RRM2B: variants seen among roughly 807,000 people sequenced by gnomAD.
RRM2B encodes ribonucleoside-diphosphate reductase subunit M2 B.
RRM2B carries 20 observed loss-of-function variants against 45.9 expected under a neutral mutation model. The ratio of observed to expected loss-of-function variants is 0.44; its 90% CI spans 0.31 to 0.63. RRM2B has a LOEUF of 0.63. Ranked by LOEUF, RRM2B falls within the 30% of genes least tolerant of loss-of-function variation. The pLI is 0.09. For missense variants in RRM2B, 320 were observed against 414.7 expected (o/e 0.77, Z 1.98); for synonymous variants, 124 against 132.3 (o/e 0.94, Z 0.43).
chr8:102,225,851 T>C (rs895749013), intron 3 of RRM2B, 67 bp downstream of exon 3: 1 of 878,030 alleles, frequency 1.1e-6, no homozygotes, highest in Non-Finnish European at 2.0e-6. Context: ...AATTTAATAA[T>C]CTTACTGACA....
At chr8:102,214,533 T>C in intron 6 of RRM2B, 1 of 261,434 alleles carries the variant, frequency 3.8e-6, no homozygotes, top group Non-Finnish European at 7.6e-6. Context: ...ATAATTAGTA[T>C]TTAAATAACA....
chr8:102,231,476 C>T (rs1038807404), intron 2 of RRM2B, among the ~76,000 whole-genome samples: 1 of 152,238 alleles, frequency 6.6e-6, no homozygotes, highest in African/African-American at 2.4e-5. Context: ...AGCTTTCACT[C>T]ATTTTTTGAC....
chr8:102,219,206 T>C (rs1428292220), intron 5 of RRM2B, among the ~76,000 whole-genome samples: 1 of 152,236 alleles, frequency 6.6e-6, no homozygotes, highest in Non-Finnish European at 1.5e-5. Context: ...GGACCTTCCA[T>C]ACTCAAAACA....
chr8:102,212,610 A>C (rs574914739), intron 8 of RRM2B, among the ~76,000 whole-genome samples, 166 bp downstream of exon 8: 1 of 152,330 alleles, frequency 6.6e-6, no homozygotes, highest in African/African-American at 2.4e-5. Flanking sequence ...ATTAATTTTA[A>C]ATTTCAAAGG....
chr8:102,218,964 C>A lies in RRM2B; in HGVS notation c.551-17G>T. On this transcript the variant is annotated splice_polypyrimidine_tract_variant and intron_variant, in intron 5 of 8. Transcript: ENST00000251810. Reference sequence around the variant, plus strand: ...CTCTTTCCCCTGGGAGACATAAAATCGTTTCAATTTTTGAAATATACTGCA... The same window carrying A: ...CTCTTTCCCCTGGGAGACATAAAATAGTTTCAATTTTTGAAATATACTGCA... 6.2e-7 allele frequency: 1 copy of A among 1,611,748 alleles called. No individual in the cohort carries two copies. The highest frequency in any genetic ancestry group is 8.5e-7 in the Non-Finnish European group (1 of 1,178,580).
chr8:102,224,700 A>C (rs1358808804), intron 4 of RRM2B, among the ~76,000 whole-genome samples, 185 bp downstream of exon 4: 1 of 152,218 alleles, frequency 6.6e-6, no homozygotes, highest in Non-Finnish European at 1.5e-5. Context: ...AAAATATCTA[A>C]AGGTTAACTG....
chr8:102,233,323 C>A (rs542819538), intron 1 of RRM2B, among the ~76,000 whole-genome samples: 21 of 152,308 alleles, frequency 1.4e-4, no homozygotes, highest in African/African-American at 4.8e-4. Context: ...GGGGGGCTTG[C>A]GTGCTTTATA....
At chr8:102,227,172 C>T (rs1810946401) in intron 2 of RRM2B, among the ~76,000 whole-genome samples, 2 of 151,538 alleles carry the variant, frequency 1.3e-5, no homozygotes, top group African/African-American at 4.9e-5. Context: ...TTTTTTAAAG[C>T]AGTTTATACA....
intron 6 of RRM2B, among the ~76,000 whole-genome samples, chr8:102,217,690 C>G (rs1369803607): frequency 6.6e-6 from 1 of 152,012 alleles, no homozygotes; most frequent in Non-Finnish European, 1.5e-5. Context: ...AGAAGAAGTA[C>G]AATACATGCT....
rs563527643 is a variant in RRM2B at position 102,232,849 on chromosome 8, T to C, written c.49-545A>G. ...CCTACAACTTAACCTTTGTTCATCT[T>C]AGCCTTCTGATACTCCAATTTGTTA... On this transcript the variant is annotated intron_variant, in intron 1 of 8. Coordinates refer to ENST00000251810, the MANE Select transcript of RRM2B (RefSeq NM_015713.5). Among the ~76,000 whole-genome samples, 3 of 152,360 alleles carry C rather than the reference T, an allele frequency of 2.0e-5. No homozygotes were observed. In the East Asian group the frequency reaches 5.8e-4, roughly 29 times the overall value.
rs570530428 is a variant in RRM2B, at chr8:102,204,646, GAA to G, written c.*3485_*3486del. 128 of 147,894 alleles carry G rather than the reference GAA, an allele frequency of 8.7e-4. No individual in the cohort carries two copies. The highest frequency in any genetic ancestry group is 3.5e-3 in the Middle Eastern group (1 of 286). 9.2% of individuals were successfully genotyped at this position (147,894 alleles called of 1,614,324 possible). On this transcript the variant is annotated 3_prime_UTR_variant, in exon 9 of 9. Coordinates refer to ENST00000251810, the MANE Select transcript of RRM2B (RefSeq NM_015713.5). ...AAATAAGAAAACAACTAATTTATTT[GAA>G]AAAAAAACAAATTCTGTACATGCAG...
At chr8:102,232,330 C>A (rs1443407542) in intron 1 of RRM2B, 26 bp from the exon 2 acceptor site, 1 of 1,606,394 alleles carries the variant, frequency 6.2e-7, no homozygotes, top group Non-Finnish European at 8.5e-7. Context: ...TACAAACACG[C>A]CTTTTATATA....
At position 102,232,181 on chromosome 8, in the gene RRM2B, G is replaced by A; in HGVS notation, c.172C>T (p.Gln58Ter). The A allele has an allele frequency of 1.2e-6, 2 of 1,614,166 alleles. No homozygotes were observed. Among genetic ancestry groups the A allele is most frequent in the Non-Finnish European group, 1.7e-6 (2 of 1,180,020 alleles). ...GCTGTCCAGAAGGAAGCCTGTGCCTGTTTATACATTTTCCAAATATCAGGG... is the reference window on the plus strand; with the variant it reads ...GCTGTCCAGAAGGAAGCCTGTGCCTATTTATACATTTTCCAAATATCAGGG... ...QYPDIWKMYK[Q>*]AQASFWTAEE... The change falls in exon 2 of 9, where the codon CAG becomes TAG. Residue 58 changes from glutamine (Q) to a stop codon, truncating the protein, a stop_gained. Coordinates refer to ENST00000251810, the MANE Select transcript of RRM2B (RefSeq NM_015713.5). LOFTEE classifies it high-confidence loss of function.
At chr8:102,231,434 A>G (rs982870866) in intron 2 of RRM2B, among the ~76,000 whole-genome samples, 1 of 152,226 alleles carries the variant, frequency 6.6e-6, no homozygotes, top group Non-Finnish European at 1.5e-5. Context: ...GTACAATCAG[A>G]TAAATCTCTC....
chr8:102,219,537 C>A (rs761709168), intron 5 of RRM2B, among the ~76,000 whole-genome samples: 4 of 152,090 alleles, frequency 2.6e-5, no homozygotes, highest in Non-Finnish European at 4.4e-5. Context: ...CTGTTTTCTG[C>A]TAAATACAAA....
chr8:102,233,224 C>A (rs1811063668), intron 1 of RRM2B, among the ~76,000 whole-genome samples: 1 of 152,204 alleles, frequency 6.6e-6, no homozygotes. Flanking sequence ...CACCCATTGT[C>A]ACCTCGCCAA....
rs1417263341 is a variant in RRM2B at position 102,208,350 on chromosome 8, A to C, written c.904-65T>G. On this transcript the variant is annotated intron_variant, in intron 8 of 8. Transcript: ENST00000251810. ...TCAAATTACATCCACAATAAGAGCA[A>C]AGATGACCAAAACAGAGGTCAGGTT... The C allele has an allele frequency of 6.8e-6, 8 of 1,182,968 alleles. No individual in the cohort carries two copies. The East Asian group carries it at 1.9e-4, about 28-fold the overall frequency. The allele number at this position is 1,182,968 out of a possible 1,614,324, so 73.3% of individuals were successfully genotyped here. A position where few individuals can be genotyped will look rare whatever the true frequency, so the allele number is the denominator to read the frequency against.
chr8:102,228,330 C>A (rs1810969994), intron 2 of RRM2B, among the ~76,000 whole-genome samples: 1 of 152,218 alleles, frequency 6.6e-6, no homozygotes, highest in African/African-American at 2.4e-5. Context: ...CTTTCCAGCT[C>A]CTCTTCCCAC....
At chr8:102,225,228 CTTTTTTTT>C (rs918693739) in intron 3 of RRM2B, among the ~76,000 whole-genome samples, 1 of 87,510 alleles carries the variant, frequency 1.1e-5, no homozygotes, top group African/African-American at 4.5e-5. Context: ...ATAGTATATT[CTTTTTTTT>C]TTTTTTTTTT....
Sources: allele counts gnomAD v4.1 joint callset (sites outside exome capture counted in the v4.1 genomes callset), GRCh38; gene constraint gnomAD v4.1.1; transcripts MANE v1.5; gene names NCBI Gene and HGNC (gene_info 2026-07-23, HGNC 2026-07-21).